APOL4: variants seen among roughly 807,000 people sequenced by gnomAD.
APOL4 encodes apolipoprotein L, 4.
In APOL4, 14 loss-of-function variants were observed where a neutral mutation model predicts 12.1. The observed-to-expected ratio is 1.16, with a 90% CI of 0.76 to 1.81. The LOEUF (loss-of-function observed/expected upper bound fraction) is 1.81, where lower values mean the gene tolerates loss of function less well. Among genes scored for constraint, APOL4 ranks in the 40% most tolerant of loss-of-function variants. The pLI is 0.00. For missense variants in APOL4, 432 were observed against 423.1 expected (o/e 1.02, Z -0.18); for synonymous variants, 171 against 160.6 (o/e 1.06, Z -0.49).
chr22:36,192,526 G>A (rs563990519), intron 3 of APOL4, among the ~76,000 whole-genome samples: 1 of 152,280 alleles, frequency 6.6e-6, no homozygotes, highest in East Asian at 1.9e-4. Flanking sequence ...CTACCAGGGT[G>A]TGTGGAGAGG....
chr22:36,198,040 G>T (rs1346539315), intron 2 of APOL4, among the ~76,000 whole-genome samples: 2 of 151,994 alleles, frequency 1.3e-5, no homozygotes, highest in African/African-American at 2.4e-5. Flanking sequence ...TGCTTACTCT[G>T]CCCCTTAACT....
upstream of APOL4, among the ~76,000 whole-genome samples, chr22:36,203,481 T>A (rs979967490): frequency 9.9e-5 from 15 of 152,168 alleles, no homozygotes; most frequent in African/African-American, 3.6e-4. Flanking sequence ...ATTTACAATA[T>A]AGTGTGTGCG....
chr22:36,197,150 C>T (rs1379901594), intron 2 of APOL4, among the ~76,000 whole-genome samples: 2 of 152,170 alleles, frequency 1.3e-5, no homozygotes, highest in Admixed American at 6.5e-5. Flanking sequence ...CTTCCTTGGC[C>T]GCCCAGCCCA....
upstream of APOL4, among the ~76,000 whole-genome samples, chr22:36,204,250 C>G (rs1461281022): frequency 3.9e-5 from 6 of 152,202 alleles, no homozygotes; most frequent in Non-Finnish European, 5.9e-5. Flanking sequence ...AGACCGGGCT[C>G]CAGGTCACCT....
At position 36,197,777 on chromosome 22, in the gene APOL4, A is replaced by G. The variant is rs924348302; in HGVS notation, c.82+1553T>C. The G allele has an allele frequency of 5.2e-6, 8 of 1,550,406 alleles. No homozygotes were observed. In the African/African-American group the frequency reaches 1.1e-4, roughly 21 times the overall value. Reference sequence around the variant, plus strand: ...AGCAGGTTCACATAATGGACACAGAAGGAGCTGCTGTAACCAGCTGTAGGG... The same window carrying G: ...AGCAGGTTCACATAATGGACACAGAGGGAGCTGCTGTAACCAGCTGTAGGG... On this transcript the variant is annotated intron_variant, in intron 2 of 3. Transcript: ENST00000683024.
At chr22:36,200,481 CG>C (rs1271154302) in intron 1 of APOL4, among the ~76,000 whole-genome samples, 6 of 152,222 alleles carry the variant, frequency 3.9e-5, no homozygotes, top group African/African-American at 1.4e-4. Context: ...TGCCAGATGC[CG>C]GCCTAGCCCC....
At chr22:36,204,434 G>C (rs972182235), upstream of APOL4, among the ~76,000 whole-genome samples, 2 of 152,176 alleles carry the variant, frequency 1.3e-5, no homozygotes, top group East Asian at 1.9e-4. Flanking sequence ...TACGGTTTAA[G>C]GGCCCAGCAG....
chr22:36,203,342 T>G (rs890875956), upstream of APOL4, among the ~76,000 whole-genome samples: 1 of 152,112 alleles, frequency 6.6e-6, no homozygotes, highest in African/African-American at 2.4e-5. Flanking sequence ...GGTAGGTTAG[T>G]GAGGGATTTA....
At position 36,191,055 on chromosome 22, in the gene APOL4, A is replaced by G. The variant is rs1239569158; in HGVS notation, c.*20T>C. 2.6e-6 allele frequency: 4 copies of G among 1,561,742 alleles called. No individual in the cohort carries two copies. Among genetic ancestry groups the G allele is most frequent in the Admixed American group, 3.8e-5 (2 of 52,780 alleles). On this transcript the variant is annotated 3_prime_UTR_variant, in exon 4 of 4. Transcript: ENST00000683024. ...CCAGTCCCTCCGTTTGGGGTCCCTG[A>G]CTTCCCGCAACAATTGGGCCTAGCC...
At chr22:36,204,567 C>A, upstream of APOL4, 1 of 293,694 alleles carries the variant, frequency 3.4e-6, no homozygotes, top group African/African-American at 2.2e-5. Flanking sequence ...AATGATCCTT[C>A]CCTCATAGAG....
upstream of APOL4, among the ~76,000 whole-genome samples, chr22:36,203,843 C>T (rs2146953229): frequency 6.6e-6 from 1 of 152,336 alleles, no homozygotes; most frequent in East Asian, 1.9e-4. Flanking sequence ...TTACACAATC[C>T]TGCATGCAAT....
At chr22:36,195,845 C>G (rs952733824) in intron 2 of APOL4, among the ~76,000 whole-genome samples, 2 of 151,550 alleles carry the variant, frequency 1.3e-5, no homozygotes, top group Middle Eastern at 3.4e-3. Context: ...GAGGACACAG[C>G]CCTGAGGCAG....
intron 3 of APOL4, among the ~76,000 whole-genome samples, chr22:36,192,512 A>G (rs955796871): frequency 7.2e-5 from 11 of 152,354 alleles, no homozygotes; most frequent in African/African-American, 1.4e-4. Flanking sequence ...GGTCAATGCC[A>G]TCACTACCAG....
upstream of APOL4, among the ~76,000 whole-genome samples, chr22:36,204,009 A>C (rs1156887631): frequency 6.6e-6 from 1 of 152,160 alleles, no homozygotes; most frequent in African/African-American, 2.4e-5. Context: ...AGGGCCACAG[A>C]CATGGAGTCC....
chr22:36,201,767 C>A lies in APOL4; in HGVS notation c.-33G>T. 1 of 1,598,316 alleles carries A rather than the reference C, an allele frequency of 6.3e-7. No homozygotes were observed. The highest frequency in any genetic ancestry group is 8.5e-7 in the Non-Finnish European group (1 of 1,172,400). On this transcript the variant is annotated 5_prime_UTR_variant, in exon 1 of 4. Transcript: ENST00000683024. ...GGTCATTGTTGGCCTGGCTCAGACG[C>A]TGATCTGGGGCCTCTGCTGAATGTT...
At position 36,198,935 on chromosome 22, in the gene APOL4, G is replaced by C. The variant is rs183560906; in HGVS notation, c.82+395C>G. 3.3e-5 allele frequency among the ~76,000 whole-genome samples: 5 copies of C among 152,264 alleles called. No individual in the cohort carries two copies. The East Asian group carries it at 5.8e-4, about 18-fold the overall frequency. Reference sequence around the variant, plus strand: ...CCCAGGGTCAGCCAGGAGCAGAGAGGGAGGTGAGAGGTCAGGGCTGCTGGT... The same window carrying C: ...CCCAGGGTCAGCCAGGAGCAGAGAGCGAGGTGAGAGGTCAGGGCTGCTGGT... On this transcript the variant is annotated intron_variant, in intron 2 of 3. Coordinates refer to ENST00000683024, the MANE Select transcript of APOL4 (RefSeq NM_001386885.1).
chr22:36,203,744 G>GC (rs975831172), upstream of APOL4, among the ~76,000 whole-genome samples: 1 of 152,090 alleles, frequency 6.6e-6, no homozygotes, highest in Admixed American at 6.5e-5. Context: ...ATGGACAGGC[G>GC]CCCCCCTGCA....
intron 2 of APOL4, chr22:36,197,513 T>C: frequency 7.5e-7 from 1 of 1,334,374 alleles, no homozygotes; most frequent in Non-Finnish European, 9.7e-7. Flanking sequence ...TAAAGCAAAA[T>C]TAAAATAAAA....
intron 3 of APOL4, among the ~76,000 whole-genome samples, chr22:36,194,693 C>T (rs2014354468): frequency 6.6e-6 from 1 of 152,174 alleles, no homozygotes; most frequent in African/African-American, 2.4e-5. Flanking sequence ...AGCCAGGATC[C>T]ACCCCAGCTC....
Sources: allele counts gnomAD v4.1 joint callset (sites outside exome capture counted in the v4.1 genomes callset), GRCh38; gene constraint gnomAD v4.1.1; transcripts MANE v1.5; gene names NCBI Gene and HGNC (gene_info 2026-07-23, HGNC 2026-07-21).